The following PTPRO variants were observed in gnomAD, a reference collection of about 807,000 sequenced individuals.
PTPRO encodes receptor-type tyrosine-protein phosphatase O.
A neutral mutation model predicts 145.2 loss-of-function variants in PTPRO; 62 were observed. That is an observed-to-expected ratio of 0.43 (90% CI 0.35 to 0.53). The LOEUF (loss-of-function observed/expected upper bound fraction) is 0.53. PTPRO is among the 20% of genes least tolerant of loss of function. The pLI, the probability that PTPRO is intolerant of heterozygous loss-of-function variation, is 0.01. For synonymous variants in PTPRO, 565 were observed against 514.7 expected, an observed-to-expected ratio of 1.10 and a Z score of -1.32; for missense variants, 1,345 against 1,482.7, an observed-to-expected ratio of 0.91 and a Z score of 1.53.
chr12:15,578,649 T>C (rs1048183212), intron 19 of PTPRO, among the ~76,000 whole-genome samples: 7 of 152,166 alleles, frequency 4.6e-5, no homozygotes, highest in Non-Finnish European at 7.4e-5. Context: ...AGCAAGTGCA[T>C]TGAAAGCTTC....
At chr12:15,364,429 T>C (rs531080909) in intron 1 of PTPRO, among the ~76,000 whole-genome samples, 1 of 152,298 alleles carries the variant, frequency 6.6e-6, no homozygotes, top group South Asian at 2.1e-4. Flanking sequence ...ATATTTACTG[T>C]AATTGATTTT....
intron 19 of PTPRO, among the ~76,000 whole-genome samples, chr12:15,577,952 G>C (rs1944223171): frequency 6.6e-6 from 1 of 152,130 alleles, no homozygotes; most frequent in African/African-American, 2.4e-5. Flanking sequence ...CCTTTTTGAA[G>C]TGTGACAGTT....
chr12:15,408,407 GT>G (rs750835226), intron 1 of PTPRO, among the ~76,000 whole-genome samples: 3 of 152,034 alleles, frequency 2.0e-5, no homozygotes, highest in Non-Finnish European at 4.4e-5. Context: ...CTCAAGGGAA[GT>G]CAAAGTTTTT....
At chr12:15,431,299 C>T (rs1940432156) in intron 1 of PTPRO, among the ~76,000 whole-genome samples, 1 of 152,230 alleles carries the variant, frequency 6.6e-6, no homozygotes, top group African/African-American at 2.4e-5. Context: ...GGTCATCCCT[C>T]TTCATCTCAG....
intron 2 of PTPRO, among the ~76,000 whole-genome samples, chr12:15,496,526 AT>A (rs1202768946): frequency 6.6e-6 from 1 of 152,158 alleles, no homozygotes; most frequent in East Asian, 1.9e-4. Context: ...ATTTACAAGA[AT>A]TTTGCAGGAG....
At chr12:15,433,112 A>T (rs1416666051) in intron 1 of PTPRO, among the ~76,000 whole-genome samples, 1 of 149,950 alleles carries the variant, frequency 6.7e-6, no homozygotes, top group Non-Finnish European at 1.5e-5. Flanking sequence ...ATCTTTGCCT[A>T]TTCCAATATC....
At chr12:15,363,766 C>G (rs1938278795) in intron 1 of PTPRO, among the ~76,000 whole-genome samples, 1 of 151,996 alleles carries the variant, frequency 6.6e-6, no homozygotes, top group African/African-American at 2.4e-5. Context: ...GGACTTACAG[C>G]TCTTTGCAAA....
In PTPRO at chr12:15,478,180, A is replaced by G. The variant is rs181710976; in HGVS notation, c.76-5794A>G. Among the ~76,000 whole-genome samples the G allele has an allele frequency of 3.3e-5, 5 of 152,340 alleles. No individual in the cohort carries two copies. The East Asian group carries it at 9.7e-4, about 29-fold the overall frequency. ...TAGGGCCATGAACCATTAACAATGCAATACTTCTAGATTTGGTGCAGGAGG... is the reference window on the plus strand; with the variant it reads ...TAGGGCCATGAACCATTAACAATGCGATACTTCTAGATTTGGTGCAGGAGG... On this transcript the variant is annotated intron_variant, in intron 1 of 26. Transcript: ENST00000281171.
At chr12:15,587,192 G>A (rs560125761) in intron 24 of PTPRO, 141 bp downstream of exon 24, 628 of 903,178 alleles carry the variant, frequency 7.0e-4, no homozygotes, top group Non-Finnish European at 1.0e-3. Context: ...ATTAATTGAT[G>A]TCTCACTATA....
At chr12:15,380,231 A>T (rs1035965771) in intron 1 of PTPRO, among the ~76,000 whole-genome samples, 12 of 152,150 alleles carry the variant, frequency 7.9e-5, no homozygotes, top group Admixed American at 7.9e-4. Flanking sequence ...ATCCCTAATG[A>T]ATATTAATTT....
intron 2 of PTPRO, among the ~76,000 whole-genome samples, chr12:15,494,074 T>G (rs1035256932): frequency 6.6e-6 from 1 of 152,060 alleles, no homozygotes; most frequent in African/African-American, 2.4e-5. Flanking sequence ...ATATATAAGT[T>G]TAAAAAACAT....
rs1348253936 is a variant in PTPRO, at chr12:15,501,820, A to G, written c.862A>G (p.Ser288Gly). 2 of 1,614,016 alleles carry G rather than the reference A, an allele frequency of 1.2e-6. No homozygotes were observed. The highest frequency in any genetic ancestry group is 1.7e-5 in the Admixed American group (1 of 60,002). Reference sequence around the variant, plus strand: ...TTCTTCCGGTTGGCCTGATTTTAATAGCAGTGACTATGAAACTACGTCTCA... The same window carrying G: ...TTCTTCCGGTTGGCCTGATTTTAATGGCAGTGACTATGAAACTACGTCTCA... ...NISSGWPDFN[S>G]SDYETTSQPY... The change falls in exon 5 of 27, where the codon AGC becomes GGC. Residue 288 changes from serine (S) to glycine (G), a missense_variant. Ser to Gly is a moderately conservative substitution (Grantham distance 56). Transcript: ENST00000281171.
At chr12:15,359,559 C>T (rs750725799) in intron 1 of PTPRO, among the ~76,000 whole-genome samples, 21 of 149,226 alleles carry the variant, frequency 1.4e-4, no homozygotes, top group East Asian at 2.0e-4. Flanking sequence ...CCCACCACCA[C>T]GCCTAGCTAA....
Position 15,560,999 on chromosome 12 carries a change from T to G in PTPRO, c.2711+723T>G, listed in dbSNP as rs946697131. 5.9e-5 allele frequency among the ~76,000 whole-genome samples: 9 copies of G among 152,130 alleles called. 1 individual carries two copies. Among genetic ancestry groups the G allele is most frequent in the African/African-American group, 2.2e-4 (9 of 41,444 alleles). On this transcript the variant is annotated intron_variant, in intron 17 of 26. Coordinates refer to ENST00000281171, the MANE Select transcript of PTPRO (RefSeq NM_030667.3). The stretch of plus-strand genomic sequence containing the variant: ...TAATCAAATCTTGAAGTGTTCCTTT[T>G]GACTTTTTAATATGTAATGATAACA...
At chr12:15,499,735 C>A in intron 4 of PTPRO, 141 bp downstream of exon 4, 5 of 1,002,140 alleles carry the variant, frequency 5.0e-6, no homozygotes, top group Admixed American at 2.7e-5. Flanking sequence ...AACAGATTTT[C>A]TATCAATATA....
intron 1 of PTPRO, among the ~76,000 whole-genome samples, chr12:15,417,326 TATCAAGACAA>T (rs1940009666): frequency 6.6e-6 from 1 of 151,800 alleles, no homozygotes; most frequent in Admixed American, 6.5e-5. Context: ...CTGTATAAGG[TATCAAGACAA>T]ATAAAAGTGA....
chr12:15,381,866 G>A (rs1052246108), intron 1 of PTPRO, among the ~76,000 whole-genome samples: 1 of 152,010 alleles, frequency 6.6e-6, no homozygotes, highest in Non-Finnish European at 1.5e-5. Flanking sequence ...TTTAATGAAA[G>A]TTTGGTGACT....
chr12:15,383,412 A>G (rs1938924689), intron 1 of PTPRO, among the ~76,000 whole-genome samples: 1 of 152,198 alleles, frequency 6.6e-6, no homozygotes, highest in Admixed American at 6.5e-5. Flanking sequence ...TATCATGACT[A>G]ATGCTGCAGG....
intron 1 of PTPRO, among the ~76,000 whole-genome samples, chr12:15,417,504 G>T (rs1437417580): frequency 6.6e-6 from 1 of 151,666 alleles, no homozygotes; most frequent in Admixed American, 6.5e-5. Context: ...TTGCTTCTCA[G>T]TGTGACTCCT....
Sources: allele counts gnomAD v4.1 joint callset (sites outside exome capture counted in the v4.1 genomes callset), GRCh38; gene constraint gnomAD v4.1.1; transcripts MANE v1.5; gene names NCBI Gene and HGNC (gene_info 2026-07-23, HGNC 2026-07-21).